The following TLL1 variants were observed in gnomAD, a reference collection of about 807,000 sequenced individuals.
TLL1 encodes the protein tolloid like 1, also known as tolloid-like protein 1.
A neutral mutation model predicts 128.2 loss-of-function variants in TLL1; 49 were observed. The ratio of observed to expected loss-of-function variants is 0.38; its 90% confidence interval spans 0.30 to 0.48. TLL1 has a LOEUF of 0.48. Ranked by LOEUF, TLL1 falls within the 20% of genes least tolerant of loss-of-function variation. TLL1 has a pLI of 0.96. For synonymous variants in TLL1, 454 were observed against 418.8 expected (o/e 1.08, Z -1.03); for missense variants, 1,123 against 1,242.0 (o/e 0.90, Z 1.44).
chr4:165,919,394 A>G (rs1457246218), intron 1 of TLL1, among the ~76,000 whole-genome samples: 2 of 151,674 alleles, frequency 1.3e-5, no homozygotes, highest in African/African-American at 4.8e-5. Flanking sequence ...AAAAAAAAAA[A>G]AAAAAAGAAT....
At chr4:166,099,188 GCTAGGCTACACTGA>G (rs1742164274) in intron 19 of TLL1, 75 bp from the exon 20 acceptor site, 1 of 1,579,434 alleles carries the variant, frequency 6.3e-7, no homozygotes, top group South Asian at 1.1e-5. Context: ...TTAGACAATG[GCTAGGCTACACTGA>G]AACTACACTG....
At chr4:166,055,313 A>G in intron 13 of TLL1, 42 bp downstream of exon 13, 1 of 1,562,982 alleles carries the variant, frequency 6.4e-7, no homozygotes, top group East Asian at 2.3e-5. Flanking sequence ...TTCTTTATCA[A>G]GGATACTTGT....
intron 1 of TLL1, among the ~76,000 whole-genome samples, chr4:165,884,555 G>T (rs1018427551): frequency 6.6e-6 from 1 of 152,298 alleles, no homozygotes; most frequent in South Asian, 2.1e-4. Flanking sequence ...TCAACTTGTG[G>T]CTGGGCGCAG....
intron 9 of TLL1, among the ~76,000 whole-genome samples, chr4:166,031,936 CACCCTACTG>C (rs1738789170): frequency 6.6e-6 from 1 of 152,148 alleles, no homozygotes; most frequent in African/African-American, 2.4e-5. Context: ...ATCTTCTCAG[CACCCTACTG>C]ACATTAGTAC....
At chr4:165,959,115 C>T (rs1030407681) in intron 1 of TLL1, among the ~76,000 whole-genome samples, 1 of 151,160 alleles carries the variant, frequency 6.6e-6, no homozygotes, top group South Asian at 2.1e-4. Context: ...GTTACTGTAG[C>T]CTTGTAGTAT....
chr4:165,955,414 A>G (rs1734737191), intron 1 of TLL1, among the ~76,000 whole-genome samples: 2 of 152,058 alleles, frequency 1.3e-5, no homozygotes, highest in African/African-American at 2.4e-5. Flanking sequence ...TAGAGAGGGC[A>G]ACATGAAAAT....
chr4:166,021,419 C>G (rs922692286), intron 8 of TLL1, among the ~76,000 whole-genome samples: 13 of 147,082 alleles, frequency 8.8e-5, no homozygotes, highest in Admixed American at 2.0e-4. Flanking sequence ...TGGGTTATTA[C>G]TATTATTTTT....
intron 18 of TLL1, among the ~76,000 whole-genome samples, chr4:166,082,711 T>C (rs532894047): frequency 1.3e-5 from 2 of 152,270 alleles, no homozygotes; most frequent in African/African-American, 4.8e-5. Context: ...GGAGTCTCGC[T>C]CTGTCACCCA....
At chr4:166,056,447 G>A (rs1740011291) in intron 13 of TLL1, among the ~76,000 whole-genome samples, 1 of 151,514 alleles carries the variant, frequency 6.6e-6, no homozygotes, top group Non-Finnish European at 1.5e-5. Context: ...TATACAGTAT[G>A]TATATTTATT....
At chr4:165,932,765 A>C (rs1405306870) in intron 1 of TLL1, among the ~76,000 whole-genome samples, 1 of 152,106 alleles carries the variant, frequency 6.6e-6, no homozygotes, top group Non-Finnish European at 1.5e-5. Context: ...TTGACTCTGC[A>C]AAAAAGGCCT....
At chr4:165,948,182 C>T (rs1734345798) in intron 1 of TLL1, among the ~76,000 whole-genome samples, 1 of 152,186 alleles carries the variant, frequency 6.6e-6, no homozygotes, top group Admixed American at 6.6e-5. Context: ...ATCCGTGTTC[C>T]CCCTGTTGGA....
rs111435209 is a variant in TLL1 at position 166,081,283 on chromosome 4, C to G, written c.2442+3253C>G. On this transcript the variant is annotated intron_variant, in intron 18 of 20. Coordinates refer to ENST00000061240, the MANE Select transcript of TLL1 (RefSeq NM_012464.5). ...GCCTCCAGTGGGTCTGTACCTTTGTCGTAGGGGTGGCAGGGTTTTCTGCTT... is the reference window on the plus strand; with the variant it reads ...GCCTCCAGTGGGTCTGTACCTTTGTGGTAGGGGTGGCAGGGTTTTCTGCTT... 3.4e-3 allele frequency among the ~76,000 whole-genome samples: 519 copies of G among 152,188 alleles called. 4 individuals are homozygous for G. Among genetic ancestry groups the G allele is most frequent in the African/African-American group, 0.012 (499 of 41,518 alleles).
intron 12 of TLL1, among the ~76,000 whole-genome samples, chr4:166,047,355 AG>A (rs1004319037): frequency 2.8e-4 from 43 of 151,636 alleles, no homozygotes; most frequent in African/African-American, 1.0e-3. Flanking sequence ...TAGTAGAGAC[AG>A]GGTTTCACCA....
chr4:165,984,159 T>C (rs560361273), intron 1 of TLL1, among the ~76,000 whole-genome samples: 2 of 152,040 alleles, frequency 1.3e-5, no homozygotes, highest in South Asian at 4.1e-4. Context: ...ACATACTACC[T>C]TAAAACATGT....
At chr4:165,912,417 C>T (rs116897421) in intron 1 of TLL1, among the ~76,000 whole-genome samples, 15 of 152,166 alleles carry the variant, frequency 9.9e-5, no homozygotes, top group Non-Finnish European at 1.9e-4. Context: ...GGTTTGCTTA[C>T]GGTTCTGGTT....
At chr4:165,985,497 T>C (rs1035514534) in intron 1 of TLL1, among the ~76,000 whole-genome samples, 1 of 152,054 alleles carries the variant, frequency 6.6e-6, no homozygotes, top group African/African-American at 2.4e-5. Flanking sequence ...ACTGTGGACT[T>C]GTCCCAGAAA....
chr4:165,947,456 T>G (rs181345998), intron 1 of TLL1, among the ~76,000 whole-genome samples: 2 of 152,046 alleles, frequency 1.3e-5, no homozygotes, highest in East Asian at 3.9e-4. Flanking sequence ...AGGAAAGAGA[T>G]AAACTGAGGG....
At chr4:166,019,622 A>G (rs1738118339) in intron 8 of TLL1, among the ~76,000 whole-genome samples, 5 of 152,072 alleles carry the variant, frequency 3.3e-5, no homozygotes, top group Admixed American at 2.0e-4. Flanking sequence ...ATACAAGACT[A>G]TGGGTTTTAT....
intron 9 of TLL1, among the ~76,000 whole-genome samples, chr4:166,027,284 G>A (rs1343146021): frequency 1.3e-5 from 2 of 151,990 alleles, no homozygotes; most frequent in Admixed American, 6.6e-5. Context: ...ACGACCTATG[G>A]GTAGTTTGTA....
Sources: gnomAD v4.1 joint callset for allele counts (sites outside exome capture counted in the v4.1 genomes callset) on GRCh38, gnomAD v4.1.1 for gene constraint, MANE v1.5 for transcripts, NCBI Gene and HGNC (gene_info 2026-07-23, HGNC 2026-07-21) for gene names.